TFPT: variants seen among roughly 807,000 people sequenced by gnomAD.
TFPT encodes INO80 complex subunit F.
In TFPT, 27 loss-of-function variants were observed where a neutral mutation model predicts 28.8. The ratio of observed to expected loss-of-function variants is 0.94; its 90% CI spans 0.69 to 1.29. The LOEUF (loss-of-function observed/expected upper bound fraction) is 1.29, where lower values mean the gene tolerates loss of function less well. TFPT is among the 50% of genes most tolerant of loss of function. The pLI is 0.00. For missense variants in TFPT, 330 were observed against 338.0 expected (o/e 0.98, Z 0.19); for synonymous variants, 152 against 142.8 (o/e 1.06, Z -0.46).
chr19:54,111,988 A>G (rs77200076), intron 2 of TFPT, among the ~76,000 whole-genome samples: 1,541 of 152,150 alleles, frequency 0.01, 22 homozygotes, highest in African/African-American at 0.034. Context: ...CTAAAAAAAA[A>G]GAGTTCAAGT....
intron 2 of TFPT, among the ~76,000 whole-genome samples, chr19:54,112,067 A>G (rs1312873990): frequency 6.6e-6 from 1 of 152,066 alleles, no homozygotes; most frequent in East Asian, 1.9e-4. Context: ...GGAGTTCGAC[A>G]CCAGCCTGGG....
intron 2 of TFPT, among the ~76,000 whole-genome samples, chr19:54,113,355 G>A (rs1205056132): frequency 1.3e-5 from 2 of 152,054 alleles, no homozygotes; most frequent in Admixed American, 6.6e-5. Flanking sequence ...ATGTTTGTAC[G>A]TGCCAATGAC....
At chr19:54,108,918 G>T in intron 3 of TFPT, 1 of 259,926 alleles carries the variant, frequency 3.8e-6, no homozygotes, top group Non-Finnish European at 7.5e-6. Context: ...GTTTTGCGAC[G>T]GAATCTCACT....
At chr19:54,108,763 GA>G in intron 3 of TFPT, 1 of 724,334 alleles carries the variant, frequency 1.4e-6, no homozygotes, top group Non-Finnish European at 2.2e-6. Context: ...GAAGAGAGGG[GA>G]GTACAGAACG....
intron 2 of TFPT, among the ~76,000 whole-genome samples, chr19:54,111,753 G>C (rs1197143549): frequency 6.6e-6 from 1 of 151,570 alleles, no homozygotes; most frequent in Non-Finnish European, 1.5e-5. Context: ...CAGAGGCCAA[G>C]GCGAGCGGAT....
chr19:54,107,311 C>A, intron 5 of TFPT, 142 bp from the exon 6 acceptor site: 1 of 1,132,828 alleles, frequency 8.8e-7, no homozygotes, highest in Non-Finnish European at 1.3e-6. Flanking sequence ...TGCAGTGGTG[C>A]CATCATAGTT....
intron 2 of TFPT, among the ~76,000 whole-genome samples, chr19:54,113,403 A>C (rs2073510660): frequency 6.6e-6 from 1 of 152,160 alleles, no homozygotes; most frequent in Admixed American, 6.6e-5. Flanking sequence ...GAGGCCTGGA[A>C]GATTCTCACA....
intron 3 of TFPT, among the ~76,000 whole-genome samples, chr19:54,109,796 C>CCT (rs1208304609): frequency 1.5e-5 from 1 of 65,698 alleles, no homozygotes. Context: ...GGGAGGATGC[C>CCT]CTCCACCCGG....
intron 2 of TFPT, 79 bp from the exon 3 acceptor site, chr19:54,110,200 A>C: frequency 6.7e-7 from 1 of 1,501,470 alleles, no homozygotes; most frequent in Non-Finnish European, 9.2e-7. Flanking sequence ...TGGGGCACGC[A>C]CTAAACTCTG....
chr19:54,109,604 C>G (rs1385993364), intron 3 of TFPT, among the ~76,000 whole-genome samples: 2 of 152,170 alleles, frequency 1.3e-5, no homozygotes, highest in South Asian at 2.1e-4. Context: ...GCTCAGCTCA[C>G]CACCTGCAAG....
At chr19:54,110,145 A>AGCTGGATCCCACG in intron 2 of TFPT, 24 bp from the exon 3 acceptor site, 1 of 1,613,474 alleles carries the variant, frequency 6.2e-7, no homozygotes, top group Non-Finnish European at 8.5e-7. Context: ...AACGCCCATC[A>AGCTGGATCCCACG]GCTGGATCCC....
chr19:54,111,814 C>G (rs2073464053), intron 2 of TFPT, among the ~76,000 whole-genome samples: 1 of 147,904 alleles, frequency 6.8e-6, no homozygotes, highest in Non-Finnish European at 1.5e-5. Flanking sequence ...AACCCTGTCT[C>G]TACTAAAAAT....
At chr19:54,110,010 G>A (rs749475909) in intron 3 of TFPT, 41 bp downstream of exon 3, 8 of 1,599,816 alleles carry the variant, frequency 5.0e-6, no homozygotes, top group Non-Finnish European at 6.9e-6. Flanking sequence ...GCATTTGGGA[G>A]CTGAGGCTCA....
intron 2 of TFPT, among the ~76,000 whole-genome samples, chr19:54,111,624 G>A (rs1446013780): frequency 8.8e-5 from 13 of 146,996 alleles, no homozygotes; most frequent in African/African-American, 3.0e-4. Flanking sequence ...AGGTTGCAGT[G>A]AGCCGAGATC....
chr19:54,111,263 C>G (rs910472516), intron 2 of TFPT, among the ~76,000 whole-genome samples: 1 of 152,118 alleles, frequency 6.6e-6, no homozygotes, highest in African/African-American at 2.4e-5. Context: ...GAGTTCCGGG[C>G]GGGGCACAGT....
intron 2 of TFPT, 54 bp downstream of exon 2, chr19:54,114,388 G>A: frequency 8.9e-6 from 14 of 1,567,612 alleles, no homozygotes; most frequent in Non-Finnish European, 1.0e-5. Flanking sequence ...AGATTGCGGG[G>A]GGCGGTAGTT....
chr19:54,108,232 G>C lies in TFPT; in HGVS notation c.436C>G (p.Gln146Glu), dbSNP rs1055973936. Reference sequence around the variant, plus strand: ...CCTGGGGTGGGGGCATCCGTGCCCTGGCTGCCCTCATCCTGGCAGGCAGGA... The same window carrying C: ...CCTGGGGTGGGGGCATCCGTGCCCTCGCTGCCCTCATCCTGGCAGGCAGGA... ...FTIVLEDEGS[Q>E]GTDAPTPGNA... Residue 146 changes from glutamine (Q) to glutamate (E), a missense_variant, in exon 5 of 6, where the codon CAG becomes GAG. Gln to Glu is a conservative substitution (Grantham distance 29, BLOSUM62 2). Coordinates refer to ENST00000391759, the MANE Select transcript of TFPT (RefSeq NM_013342.4). The C allele has an allele frequency of 1.3e-6, 2 of 1,592,108 alleles. No individual in the cohort carries two copies. The highest frequency in any genetic ancestry group is 1.7e-6 in the Non-Finnish European group (2 of 1,168,430).
Position 54,110,071 on chromosome 19 carries a change from C to G in TFPT, c.333G>C (p.Arg111=). The change falls in exon 3 of 6, where the codon CGG becomes CGC. Residue 111 remains arginine (R), a synonymous_variant. Coordinates refer to ENST00000391759, the MANE Select transcript of TFPT (RefSeq NM_013342.4). ...NRLHQVQRIT[R]RLQQERRFLM... ...GTTACCTCCGTTCCTGCTGCAGCCT[C>G]CGAGTTATCCTCTGCACCTGATGGA... 6.2e-7 allele frequency: 1 copy of G among 1,614,158 alleles called. No homozygotes were observed. Among genetic ancestry groups the G allele is most frequent in the Non-Finnish European group, 8.5e-7 (1 of 1,180,024 alleles).
Position 54,114,183 on chromosome 19 carries a change from G to T in TFPT, c.282+259C>A, listed in dbSNP as rs112471068. Among the ~76,000 whole-genome samples the T allele has an allele frequency of 7.8e-3, 1,190 of 152,308 alleles. 6 individuals carry two copies. The highest frequency in any genetic ancestry group is 0.027 in the South Asian group (128 of 4,822). On this transcript the variant is annotated intron_variant, in intron 2 of 5. Transcript: ENST00000391759. ...AGAGCTTGGGCTTTCACCTGTGAGC[G>T]GTGCCACGCATTGAGAGGCCCCCGG...
Sources: allele counts gnomAD v4.1 joint callset (sites outside exome capture counted in the v4.1 genomes callset), GRCh38; gene constraint gnomAD v4.1.1; transcripts MANE v1.5; gene names NCBI Gene and HGNC (gene_info 2026-07-23, HGNC 2026-07-21).